PALM2AKAP2: variants seen among roughly 807,000 people sequenced by gnomAD.
The protein encoded by PALM2AKAP2 is PALM2-AKAP2 fusion protein.
Under a neutral mutation model 71.5 loss-of-function variants are expected in PALM2AKAP2, and 37 were observed. The ratio of observed to expected loss-of-function variants is 0.52; its 90% CI spans 0.40 to 0.68. The LOEUF is 0.68. Ranked by LOEUF, PALM2AKAP2 falls within the 30% of genes least tolerant of loss-of-function variation. The pLI is 0.00. For missense variants in PALM2AKAP2, 1,224 were observed against 1,191.8 expected, an observed-to-expected ratio of 1.03 and a Z score of -0.40; for synonymous variants, 468 against 478.8, an observed-to-expected ratio of 0.98 and a Z score of 0.29.
At chr9:109,992,229 C>T (rs1832497946) in intron 6 of PALM2AKAP2, among the ~76,000 whole-genome samples, 1 of 152,090 alleles carries the variant, frequency 6.6e-6, no homozygotes, top group Non-Finnish European at 1.5e-5. Flanking sequence ...GTCATCTCTG[C>T]CTCTGTCTTC....
chr9:110,134,184 C>G (rs762040967), intron 1 of PALM2AKAP2, among the ~76,000 whole-genome samples: 1 of 151,718 alleles, frequency 6.6e-6, no homozygotes, highest in Non-Finnish European at 1.5e-5. Flanking sequence ...GAGACTGAGG[C>G]AGGAGGATCC....
Position 110,148,155 on chromosome 9 carries a change from C to T in PALM2AKAP2, c.2570-8164C>T, listed in dbSNP as rs141418175. Among the ~76,000 whole-genome samples the T allele has an allele frequency of 4.2e-3, 642 of 152,144 alleles. 21 individuals carry two copies. The highest frequency in any genetic ancestry group is 0.038 in the Admixed American group (578 of 15,282). On this transcript the variant is annotated intron_variant, in intron 2 of 3. Transcript: ENST00000374525. ...GATCTTGGTGGAGAATTACTATTCA[C>T]CATAATTTTCATTCTTACTGTTTTA...
At chr9:109,775,112 T>C (rs1829329591) in intron 1 of PALM2AKAP2, among the ~76,000 whole-genome samples, 1 of 152,204 alleles carries the variant, frequency 6.6e-6, no homozygotes, top group Non-Finnish European at 1.5e-5. Context: ...CACAACAAAA[T>C]AAATGTAGAA....
chr9:109,837,833 C>G (rs1828524079), intron 1 of PALM2AKAP2, among the ~76,000 whole-genome samples: 1 of 152,162 alleles, frequency 6.6e-6, no homozygotes, highest in African/African-American at 2.4e-5. Flanking sequence ...AGCTAACTAT[C>G]CTAAATATAT....
intron 1 of PALM2AKAP2, among the ~76,000 whole-genome samples, chr9:110,052,325 C>T (rs908298507): frequency 2.0e-5 from 3 of 152,220 alleles, no homozygotes; most frequent in Non-Finnish European, 4.4e-5. Context: ...AGCAGCACTT[C>T]GGGTAGCTTG....
At chr9:109,937,534 A>T (rs903786080) in intron 6 of PALM2AKAP2, among the ~76,000 whole-genome samples, 2 of 152,182 alleles carry the variant, frequency 1.3e-5, no homozygotes, top group African/African-American at 4.8e-5. Flanking sequence ...AATAAAATAA[A>T]ATAATTCTTA....
chr9:109,660,666 T>A (rs1345734531), intron 1 of PALM2AKAP2, among the ~76,000 whole-genome samples: 2 of 152,140 alleles, frequency 1.3e-5, no homozygotes, highest in Non-Finnish European at 2.9e-5. Context: ...TACGTGTGCA[T>A]GTGTCTTTAT....
chr9:110,141,476 C>T (rs528244992), intron 2 of PALM2AKAP2, among the ~76,000 whole-genome samples: 15 of 152,260 alleles, frequency 9.9e-5, no homozygotes, highest in African/African-American at 2.4e-4. Context: ...TTGAAAGAAA[C>T]GGAATGTAAA....
At chr9:109,785,693 C>T (rs572013837) in intron 1 of PALM2AKAP2, among the ~76,000 whole-genome samples, 1 of 152,266 alleles carries the variant, frequency 6.6e-6, no homozygotes, top group East Asian at 1.9e-4. Flanking sequence ...ATCACAAGAA[C>T]AGCATGGGAA....
At chr9:109,714,037 G>C (rs1828280930) in intron 1 of PALM2AKAP2, among the ~76,000 whole-genome samples, 1 of 152,114 alleles carries the variant, frequency 6.6e-6, no homozygotes, top group African/African-American at 2.4e-5. Flanking sequence ...TAATACTGCA[G>C]AAAGAGTCTA....
intron 1 of PALM2AKAP2, among the ~76,000 whole-genome samples, chr9:109,684,882 A>G (rs1332264153): frequency 6.6e-6 from 1 of 152,210 alleles, no homozygotes; most frequent in African/African-American, 2.4e-5. Context: ...TAAGAATCCT[A>G]AACTGGAAAT....
At chr9:110,041,165 A>G (rs1833505668) in intron 7 of PALM2AKAP2, among the ~76,000 whole-genome samples, 1 of 151,816 alleles carries the variant, frequency 6.6e-6, no homozygotes, top group East Asian at 1.9e-4. Flanking sequence ...TCACCAGGGG[A>G]CTCTGTCCTC....
chr9:110,162,872 TA>T (rs756456853), intron 3 of PALM2AKAP2, among the ~76,000 whole-genome samples: 4 of 151,952 alleles, frequency 2.6e-5, no homozygotes, highest in Non-Finnish European at 5.9e-5. Context: ...CCAGCTAATT[TA>T]TTTTTTTATA....
At position 109,925,074 on chromosome 9, in the gene PALM2AKAP2, C is replaced by T. The variant is rs150674445; in HGVS notation, c.386C>T (p.Thr129Met). Residue 129 changes from threonine (T) to methionine (M), a missense_variant, in exon 5 of 10, where the codon ACG becomes ATG. Coordinates refer to the PALM2AKAP2 transcript ENST00000302798. ...TTGTTCCTACAGGGTTTCTCCAGTA[C>T]GGATGGAGGTAAGTGCTCTCTGCCC... is the stretch of plus-strand genomic sequence containing the variant. 987 of 1,614,014 alleles carry T rather than the reference C, an allele frequency of 6.1e-4. No individual in the cohort carries two copies. Among genetic ancestry groups the T allele is most frequent in the Non-Finnish European group, 8.0e-4 (941 of 1,179,990 alleles).
chr9:109,716,388 C>T (rs572878886), intron 1 of PALM2AKAP2, among the ~76,000 whole-genome samples: 14 of 152,266 alleles, frequency 9.2e-5, no homozygotes, highest in African/African-American at 3.4e-4. Context: ...TTGTCTGGAT[C>T]CACTCATTAG....
intron 6 of PALM2AKAP2, among the ~76,000 whole-genome samples, chr9:109,967,461 G>A (rs192582351): frequency 2.2e-3 from 326 of 151,118 alleles, no homozygotes; most frequent in Non-Finnish European, 3.1e-3. Context: ...CCAGGCTAGA[G>A]TGCAGTGGCA....
intron 1 of PALM2AKAP2, among the ~76,000 whole-genome samples, chr9:110,087,997 CT>C (rs1010729620): frequency 2.0e-5 from 3 of 152,164 alleles, no homozygotes; most frequent in Admixed American, 6.6e-5. Flanking sequence ...CAAAAAAGAG[CT>C]GTTCAAATTG....
intron 7 of PALM2AKAP2, among the ~76,000 whole-genome samples, chr9:110,017,814 G>A (rs1833007236): frequency 6.6e-6 from 1 of 150,632 alleles, no homozygotes; most frequent in Non-Finnish European, 1.5e-5. Context: ...TGCAACATCC[G>A]CCTCCTGGGT....
At chr9:109,792,033 C>G (rs1827123281) in intron 1 of PALM2AKAP2, among the ~76,000 whole-genome samples, 1 of 152,038 alleles carries the variant, frequency 6.6e-6, no homozygotes, top group Non-Finnish European at 1.5e-5. Context: ...ATTACAAAAC[C>G]AATAGTATGT....
Sources: allele counts gnomAD v4.1 joint callset (sites outside exome capture counted in the v4.1 genomes callset), GRCh38; gene constraint gnomAD v4.1.1; transcripts MANE v1.5; gene names NCBI Gene and HGNC (gene_info 2026-07-23, HGNC 2026-07-21).